IGHMBP2: variants seen among roughly 807,000 people sequenced by gnomAD.
The protein encoded by IGHMBP2 is DNA-binding protein SMUBP-2.
In IGHMBP2, 81 loss-of-function variants were observed where a neutral mutation model predicts 96.0. The ratio of observed to expected loss-of-function variants is 0.84; its 90% CI spans 0.71 to 1.01. The LOEUF (loss-of-function observed/expected upper bound fraction) is 1.01. IGHMBP2 is among the 50% of genes least tolerant of loss of function. The pLI, the probability that IGHMBP2 is intolerant of heterozygous loss-of-function variation, is 0.00. For missense variants in IGHMBP2, 1,227 were observed against 1,306.3 expected (o/e 0.94, Z 0.94); for synonymous variants, 557 against 548.9 (o/e 1.01, Z -0.21).
rs1858062571 is a variant in IGHMBP2 at position 68,903,952 on chromosome 11, G to C, written c.-1G>C. On this transcript the variant is annotated 5_prime_UTR_variant, in exon 1 of 15. Coordinates refer to ENST00000255078, the MANE Select transcript of IGHMBP2 (RefSeq NM_002180.3). ...TCTAGGGGCCCAGGCCGGCGGCGGC[G>C]ATGGCCTCGGCAGCTGTGGAGAGCT... 2 of 1,568,956 alleles carry C rather than the reference G, an allele frequency of 1.3e-6. No individual in the cohort carries two copies. Among genetic ancestry groups the C allele is most frequent in the Admixed American group, 1.9e-5 (1 of 52,494 alleles).
rs376736864 is a variant in IGHMBP2, at chr11:68,936,283, C to T, written c.1803C>T (p.Val601=). The T allele has an allele frequency of 4.3e-6, 7 of 1,614,156 alleles. No homozygotes were observed. The highest frequency in any genetic ancestry group is 5.9e-6 in the Non-Finnish European group (7 of 1,179,996). The change falls in exon 13 of 15, where the codon GTC becomes GTT. Residue 601 remains valine (V), a synonymous_variant. Transcript: ENST00000255078. ...AGGACCGGAGGATCAACGTGGCTGTCACCCGTGCCCGACGCCACGTGGCGG... is the reference window on the plus strand; with the variant it reads ...AGGACCGGAGGATCAACGTGGCTGTTACCCGTGCCCGACGCCACGTGGCGG... ...LAEDRRINVA[V]TRARRHVAVI...
At chr11:68,924,993 A>C (rs951924956) in intron 7 of IGHMBP2, among the ~76,000 whole-genome samples, 1 of 152,052 alleles carries the variant, frequency 6.6e-6, no homozygotes, top group Admixed American at 6.5e-5. Context: ...AGCTATTGTC[A>C]ATGTTAGCAT....
chr11:68,905,037 C>G (rs963155708), intron 1 of IGHMBP2, among the ~76,000 whole-genome samples: 1 of 152,156 alleles, frequency 6.6e-6, no homozygotes, highest in African/African-American at 2.4e-5. Context: ...ACCTCGTGGT[C>G]TGCCCGCCTT....
Position 68,906,115 on chromosome 11 carries a change from G to A in IGHMBP2, c.133G>A (p.Val45Met), listed in dbSNP as rs774440957. The A allele has an allele frequency of 3.7e-6, 6 of 1,614,098 alleles. No homozygotes were observed. The highest frequency in any genetic ancestry group is 1.1e-5 in the South Asian group (1 of 91,088). ...ISLKELQSRGVCLLKLQVSSQ... is the reference protein window; with the variant it reads ...ISLKELQSRGMCLLKLQVSSQ... Reference sequence around the variant, plus strand: ...TCTGAAAGAGCTCCAGAGCCGAGGCGTGTGTTTGCTGAAGCTGCAGGTATC... The same window carrying A: ...TCTGAAAGAGCTCCAGAGCCGAGGCATGTGTTTGCTGAAGCTGCAGGTATC... Residue 45 changes from valine to methionine, a missense_variant, in exon 2 of 15, where the codon GTG (valine) becomes ATG (methionine). Coordinates refer to ENST00000255078, the MANE Select transcript of IGHMBP2 (RefSeq NM_002180.3).
At chr11:68,913,059 A>C (rs1342662672) in intron 5 of IGHMBP2, among the ~76,000 whole-genome samples, 2 of 150,090 alleles carry the variant, frequency 1.3e-5, no homozygotes, top group East Asian at 3.9e-4. Context: ...AAAAAAAAAA[A>C]AAAAAAAAAC....
At chr11:68,904,103 G>T in intron 1 of IGHMBP2, 65 bp downstream of exon 1, 1 of 1,307,716 alleles carries the variant, frequency 7.6e-7, no homozygotes, top group Non-Finnish European at 1.1e-6. Flanking sequence ...CAGAGTCTCC[G>T]AGGGGCTCGG....
rs58094037 is a variant in IGHMBP2 at position 68,938,361 on chromosome 11, C to T, written c.2784+7C>T. On this transcript the variant is annotated splice_region_variant and intron_variant, in intron 14 of 14. Transcript: ENST00000255078. The stretch of plus-strand genomic sequence containing the variant: ...CAGCCACCACCTGCCCGAGGTATGT[C>T]GGCCTCCCCTCCTGCGATCAAACAG... The T allele has an allele frequency of 7.9e-5, 126 of 1,604,954 alleles. No individual in the cohort carries two copies. The East Asian group carries it at 2.4e-3, about 31-fold the overall frequency.
At chr11:68,912,320 T>A (rs1285410094) in intron 5 of IGHMBP2, among the ~76,000 whole-genome samples, 1 of 151,900 alleles carries the variant, frequency 6.6e-6, no homozygotes, top group East Asian at 1.9e-4. Flanking sequence ...TTAGTAGAGA[T>A]GGAGTTTCAC....
At position 68,933,158 on chromosome 11, in the gene IGHMBP2, C is replaced by T. The variant is rs546537482; in HGVS notation, c.1236-141C>T. On this transcript the variant is annotated intron_variant, in intron 8 of 14. Transcript: ENST00000255078. ...TTTGGGGCTGTGATTCAGCCAAACC[C>T]GCCCCTTGGTTACTTCTGGGTCAGA... is the stretch of plus-strand genomic sequence containing the variant. The T allele has an allele frequency of 7.6e-5, 64 of 843,534 alleles. No individual in the cohort carries two copies. In the East Asian group the frequency reaches 1.1e-3, roughly 15 times the overall value. 52.3% of individuals were successfully genotyped at this position (843,534 alleles called of 1,614,324 possible).
chr11:68,925,056 G>A lies in IGHMBP2; in HGVS notation c.1061-4127G>A, dbSNP rs1290100159. On this transcript the variant is annotated intron_variant, in intron 7 of 14. Transcript: ENST00000255078. Reference sequence around the variant, plus strand: ...TCTTCTTTTAATATGGCCCTGGGAAGCCAAAAGATTGCACATCCCTGCCTT... The same window carrying A: ...TCTTCTTTTAATATGGCCCTGGGAAACCAAAAGATTGCACATCCCTGCCTT... Among the ~76,000 whole-genome samples the A allele has an allele frequency of 2.0e-5, 3 of 151,400 alleles. No homozygotes were observed. The East Asian group carries it at 5.8e-4, about 29-fold the overall frequency.
intron 7 of IGHMBP2, chr11:68,926,065 T>C (rs1859055355): frequency 6.6e-6 from 1 of 152,160 alleles, no homozygotes; most frequent in South Asian, 2.1e-4. Context: ...ACAACTCCCA[T>C]TATGAATCAG....
rs1428031096 is a variant in IGHMBP2, at chr11:68,906,102, C to T, written c.120C>T (p.Leu40=). The change falls in exon 2 of 15, where the codon CTC becomes CTT. Residue 40 remains leucine (L), a synonymous_variant. Coordinates refer to ENST00000255078, the MANE Select transcript of IGHMBP2 (RefSeq NM_002180.3). ...SWQENISLKE[L]QSRGVCLLKL... is the part of the protein sequence containing the mutation. ...AGGAGAACATCTCTCTGAAAGAGCT[C>T]CAGAGCCGAGGCGTGTGTTTGCTGA... The T allele has an allele frequency of 1.2e-6, 2 of 1,614,018 alleles. No individual in the cohort carries two copies. Among genetic ancestry groups the T allele is most frequent in the East Asian group, 2.2e-5 (1 of 44,902 alleles).
At chr11:68,912,315 A>G (rs1223274397) in intron 5 of IGHMBP2, among the ~76,000 whole-genome samples, 2 of 151,886 alleles carry the variant, frequency 1.3e-5, no homozygotes, top group Admixed American at 6.6e-5. Flanking sequence ...TATTTTTAGT[A>G]GAGATGGAGT....
In IGHMBP2 at chr11:68,939,565, A is replaced by G. The variant is rs751847212; in HGVS notation, c.2816A>G (p.His939Arg). The change falls in exon 15 of 15, where the codon CAT becomes CGT. Residue 939 changes from histidine to arginine, a missense_variant. Around this residue, in one of 3 missense-constraint regions of IGHMBP2, gnomAD observed 703 missense variants for 770.3 expected, o/e 0.91. Coordinates refer to ENST00000255078, the MANE Select transcript of IGHMBP2 (RefSeq NM_002180.3). ...GGCTGCGGTGAGAGGGCTCGCGCCC[A>G]TGCCCGGCAGAGAATCAGCCGGGAA... Reference protein sequence around the residue: ...IHGCGERARAHARQRISREGV... With the variant: ...IHGCGERARARARQRISREGV... 6.2e-7 allele frequency: 1 copy of G among 1,612,664 alleles called. No individual in the cohort carries two copies. The highest frequency in any genetic ancestry group is 8.5e-7 in the Non-Finnish European group (1 of 1,180,022).
chr11:68,936,180 C>G, intron 12 of IGHMBP2, 57 bp from the exon 13 acceptor site: 2 of 1,598,346 alleles, frequency 1.3e-6, no homozygotes, highest in East Asian at 2.2e-5. Flanking sequence ...GGCGTAGGAG[C>G]CTGACTGTGT....
intron 4 of IGHMBP2, among the ~76,000 whole-genome samples, chr11:68,910,656 G>A (rs1000994208): frequency 1.2e-4 from 19 of 152,280 alleles, no homozygotes; most frequent in South Asian, 4.1e-4. Context: ...GGCTGAGGCC[G>A]GCAGATCATG....
chr11:68,932,861 C>G (rs1039728220), intron 8 of IGHMBP2: 5 of 199,814 alleles, frequency 2.5e-5, no homozygotes, highest in Non-Finnish European at 3.1e-5. Flanking sequence ...GAAAACCCAT[C>G]TCCTGGTCTT....
intron 7 of IGHMBP2, among the ~76,000 whole-genome samples, chr11:68,918,582 C>T (rs1027390543): frequency 2.0e-5 from 3 of 152,060 alleles, no homozygotes; most frequent in Non-Finnish European, 4.4e-5. Context: ...GTGGAGGTTG[C>T]AGTGAACCAA....
chr11:68,915,591 T>G (rs1858631436), intron 6 of IGHMBP2, among the ~76,000 whole-genome samples: 1 of 152,050 alleles, frequency 6.6e-6, no homozygotes, highest in Non-Finnish European at 1.5e-5. Context: ...CAAGTGATTC[T>G]TGTGCCTCAC....
Sources: allele counts gnomAD v4.1 joint callset (sites outside exome capture counted in the v4.1 genomes callset), GRCh38; gene constraint gnomAD v4.1.1; regional missense constraint gnomAD v4.1.1; transcripts MANE v1.5; gene names NCBI Gene and HGNC (gene_info 2026-07-23, HGNC 2026-07-21).